DMRT3: variants seen among roughly 807,000 people sequenced by gnomAD.
The protein encoded by DMRT3 is doublesex- and mab-3-related transcription factor 3.
A neutral mutation model predicts 34.9 loss-of-function variants in DMRT3; 29 were observed. That is an observed-to-expected ratio of 0.83 (90% confidence interval 0.62 to 1.13). The LOEUF (loss-of-function observed/expected upper bound fraction) is 1.13, where lower values mean the gene tolerates loss of function less well. Among genes scored for constraint, DMRT3 ranks in the 50% most tolerant of loss-of-function variants. DMRT3 has a pLI of 0.00. For missense variants in DMRT3, 772 were observed against 629.1 expected (o/e 1.23, Z -2.43); for synonymous variants, 350 against 286.0 (o/e 1.22, Z -2.26).
At chr9:989,743 T>C (rs61640373) in intron 1 of DMRT3, 8,712 of 241,864 alleles carry the variant, frequency 0.036, 781 homozygotes, top group African/African-American at 0.18. Flanking sequence ...CTATTGAGAT[T>C]GTTACTGCTA....
chr9:987,649 C>T (rs995112096), intron 1 of DMRT3, among the ~76,000 whole-genome samples: 1 of 152,064 alleles, frequency 6.6e-6, no homozygotes, highest in African/African-American at 2.4e-5. Flanking sequence ...AGATAAGGTC[C>T]ATAAGCTAGG....
Position 990,826 on chromosome 9 carries a change from A to G in DMRT3, c.1240A>G (p.Asn414Asp). The change falls in exon 2 of 2, where the codon AAC becomes GAC. Residue 414 changes from asparagine (N) to aspartate (D), a missense_variant. By Grantham distance (23) the Asn-to-Asp change is conservative (BLOSUM62 1). Coordinates refer to ENST00000190165, the MANE Select transcript of DMRT3 (RefSeq NM_021240.4). ...CCAGTATGTCAGTCCTTTCCCCAGTAACTCTACCAGCGTCTTCAGAAGCTC... is the reference window on the plus strand; with the variant it reads ...CCAGTATGTCAGTCCTTTCCCCAGTGACTCTACCAGCGTCTTCAGAAGCTC... ...RSQYVSPFPS[N>D]STSVFRSSPV... 2 of 1,614,060 alleles carry G rather than the reference A, an allele frequency of 1.2e-6. No homozygotes were observed. The highest frequency in any genetic ancestry group is 1.7e-6 in the Non-Finnish European group (2 of 1,180,002).
In DMRT3 at chr9:991,297, A is replaced by G. The variant is rs907613860; in HGVS notation, c.*292A>G. 3.6e-6 allele frequency: 1 copy of G among 274,146 alleles called. No homozygotes were observed. Among genetic ancestry groups the G allele is most frequent in the East Asian group, 7.3e-5 (1 of 13,742 alleles). 17.0% of individuals were successfully genotyped at this position (274,146 alleles called of 1,614,324 possible). ...GGGTCCGTGGAAGATTTATTTGGGG[A>G]TGTAAAGCTGAAGGTCAGCCTTGCA... On this transcript the variant is annotated 3_prime_UTR_variant, in exon 2 of 2. Coordinates refer to ENST00000190165, the MANE Select transcript of DMRT3 (RefSeq NM_021240.4).
At chr9:989,969 G>C (rs1316955653) in intron 1 of DMRT3, 72 bp from the exon 2 acceptor site, 3 of 1,565,164 alleles carry the variant, frequency 1.9e-6, no homozygotes, top group Non-Finnish European at 2.6e-6. Context: ...ACGTGTACAG[G>C]TCTCTTCTGA....
At chr9:981,351 C>T (rs1221221719) in intron 1 of DMRT3, among the ~76,000 whole-genome samples, 1 of 151,988 alleles carries the variant, frequency 6.6e-6, no homozygotes, top group East Asian at 1.9e-4. Context: ...GGATGAGAAA[C>T]CCTCTGACTG....
chr9:989,686 G>C (rs1452707614), intron 1 of DMRT3, among the ~76,000 whole-genome samples: 2 of 152,154 alleles, frequency 1.3e-5, no homozygotes, highest in Non-Finnish European at 2.9e-5. Flanking sequence ...TTCTCCCTGA[G>C]CTTTGCTCTT....
In DMRT3 at chr9:990,735, C is replaced by T. The variant is rs981674925; in HGVS notation, c.1149C>T (p.Pro383=). Residue 383 remains proline (P), a synonymous_variant, in exon 2 of 2, where the codon CCC becomes CCT. Coordinates refer to ENST00000190165, the MANE Select transcript of DMRT3 (RefSeq NM_021240.4). The stretch of plus-strand genomic sequence containing the variant: ...CTTTGGCGAGAAGCCAGTCGAGCCC[C>T]TTTTTGCCCAATGATGTCACCCTGT... ...RNTLARSQSS[P]FLPNDVTLWN... is the part of the protein sequence containing the mutation. 9 of 1,614,152 alleles carry T rather than the reference C, an allele frequency of 5.6e-6. No homozygotes were observed. Among genetic ancestry groups the T allele is most frequent in the South Asian group, 1.1e-5 (1 of 91,082 alleles).
At chr9:990,000 G>A (rs772443802) in intron 1 of DMRT3, 41 bp from the exon 2 acceptor site, 47 of 1,603,842 alleles carry the variant, frequency 2.9e-5, no homozygotes, top group East Asian at 2.7e-4. Context: ...TCCTCTTTAT[G>A]CACACCAGGA....
chr9:989,757 A>C, intron 1 of DMRT3: 1 of 274,682 alleles, frequency 3.6e-6, no homozygotes, highest in Non-Finnish European at 6.8e-6. Flanking sequence ...ACTGCTATGA[A>C]AGCCATATGT....
chr9:976,726 AG>A lies in DMRT3; in HGVS notation c.-274del, dbSNP rs1820151011. 6.6e-6 allele frequency among the ~76,000 whole-genome samples: 1 copy of A among 152,120 alleles called. No homozygotes were observed. Among genetic ancestry groups the A allele is most frequent in the Non-Finnish European group, 1.5e-5 (1 of 67,998 alleles). ...TGCAGCCGCCGCAGCGCCTCCGCGA[AG>A]GAGGACGTGCCGACCCGGCTGCGCG... On this transcript the variant is annotated 5_prime_UTR_variant, in exon 1 of 2. Coordinates refer to ENST00000190165, the MANE Select transcript of DMRT3 (RefSeq NM_021240.4). The surrounding 1 kb of genome is among the most constrained non-coding windows in gnomAD (Gnocchi z 4.5).
chr9:982,080 T>G (rs1820227621), intron 1 of DMRT3, among the ~76,000 whole-genome samples: 1 of 152,204 alleles, frequency 6.6e-6, no homozygotes, highest in African/African-American at 2.4e-5. Context: ...CTAGAAAGCC[T>G]TCTTTGTTTA....
rs370604933 is a variant in DMRT3, at chr9:990,540, G to C, written c.954G>C (p.Leu318Phe). 45 of 1,613,948 alleles carry C rather than the reference G, an allele frequency of 2.8e-5. No homozygotes were observed. The highest frequency in any genetic ancestry group is 3.7e-5 in the Non-Finnish European group (44 of 1,180,030). The change falls in exon 2 of 2, where the codon TTG (leucine) becomes TTC (phenylalanine). Residue 318 changes from leucine (L) to phenylalanine (F), a missense_variant. Transcript: ENST00000190165. ...ATGGGCACATCTTTGAACACACCTT[G>C]AGCTCCTACCCCATCTCGTCTTCCA... ...PSNGHIFEHTLSSYPISSSKW... is the reference protein window; with the variant it reads ...PSNGHIFEHTFSSYPISSSKW...
chr9:979,340 C>G (rs1459426643), intron 1 of DMRT3, among the ~76,000 whole-genome samples: 1 of 152,188 alleles, frequency 6.6e-6, no homozygotes, highest in Non-Finnish European at 1.5e-5. Context: ...AAACGGATCT[C>G]AACTGGACAA....
intron 1 of DMRT3, among the ~76,000 whole-genome samples, chr9:981,815 C>A (rs978688581): frequency 6.6e-6 from 1 of 152,160 alleles, no homozygotes; most frequent in African/African-American, 2.4e-5. Context: ...CAGCTTCTCG[C>A]CGCCTGCTGG....
intron 1 of DMRT3, 145 bp downstream of exon 1, chr9:977,600 G>A (rs1347682885): frequency 1.1e-6 from 1 of 897,078 alleles, no homozygotes; most frequent in African/African-American, 1.8e-5. Flanking sequence ...GCCAGGCCGG[G>A]GCTTCCTCTC....
At chr9:979,609 TA>T (rs879838763) in intron 1 of DMRT3, among the ~76,000 whole-genome samples, 3 of 151,984 alleles carry the variant, frequency 2.0e-5, no homozygotes, top group South Asian at 2.1e-4. Flanking sequence ...CCCATTTTTT[TA>T]AAAAAAAGCA....
chr9:983,289 T>C (rs966273369), intron 1 of DMRT3, among the ~76,000 whole-genome samples: 1 of 152,224 alleles, frequency 6.6e-6, no homozygotes, highest in Non-Finnish European at 1.5e-5. Flanking sequence ...AGAGCTGGGA[T>C]TAGTGTTCCA....
chr9:987,802 A>C (rs1820304216), intron 1 of DMRT3, among the ~76,000 whole-genome samples: 1 of 152,206 alleles, frequency 6.6e-6, no homozygotes, highest in Admixed American at 6.5e-5. Context: ...TATTTTAAAG[A>C]AGTACTTTAT....
At chr9:986,881 ACT>A (rs1315311152) in intron 1 of DMRT3, among the ~76,000 whole-genome samples, 2 of 97,038 alleles carry the variant, frequency 2.1e-5, no homozygotes, top group African/African-American at 9.7e-5. Context: ...ACAGAGTGAG[ACT>A]CTGTCTCAAA....
Sources: allele counts gnomAD v4.1 joint callset (sites outside exome capture counted in the v4.1 genomes callset), GRCh38; gene constraint gnomAD v4.1.1; non-coding constraint Gnocchi (gnomAD v3.1); transcripts MANE v1.5; gene names NCBI Gene and HGNC (gene_info 2026-07-23, HGNC 2026-07-21).